HMCN2: variants seen among roughly 807,000 people sequenced by gnomAD.
HMCN2 encodes the protein hemicentin-2.
Under a neutral mutation model 377.5 loss-of-function variants are expected in HMCN2, and 325 were observed. That is an observed-to-expected ratio of 0.86 (90% CI 0.79 to 0.94). The LOEUF (loss-of-function observed/expected upper bound fraction) is 0.94, where lower values mean the gene tolerates loss of function less well. HMCN2 is among the 40% of genes least tolerant of loss of function. The probability of loss-of-function intolerance (pLI) is 0.00; values close to 1 mark genes in which losing one functional copy is unlikely to be tolerated. For missense variants in HMCN2, 4,543 were observed against 4,725.3 expected (o/e 0.96, Z 1.13); for synonymous variants, 2,007 against 2,046.8 (o/e 0.98, Z 0.53).
chr9:130,391,176 C>T (rs1842302043), intron 63 of HMCN2, 28 bp from the exon 64 acceptor site: 3 of 988,020 alleles, frequency 3.0e-6, no homozygotes, highest in Non-Finnish European at 3.6e-6. Context: ...CTGCCATCAC[C>T]CAGGGCCTCA....
At position 130,348,682 on chromosome 9, in the gene HMCN2, G is replaced by A; in HGVS notation, c.4155+7G>A. On this transcript the variant is annotated splice_region_variant and intron_variant, in intron 27 of 97. Transcript: ENST00000683500. ...GCTGAAGGACGCGCAGCTGGTGGGTGTCCCCCTAGGGTGGGCGGGGTATGG... is the reference window on the plus strand; with the variant it reads ...GCTGAAGGACGCGCAGCTGGTGGGTATCCCCCTAGGGTGGGCGGGGTATGG... The A allele has an allele frequency of 7.7e-7, 1 of 1,295,124 alleles. No individual in the cohort carries two copies. Among genetic ancestry groups the A allele is most frequent in the Non-Finnish European group, 1.0e-6 (1 of 980,868 alleles). 80.2% of individuals were successfully genotyped at this position (1,295,124 alleles called of 1,614,324 possible).
intron 78 of HMCN2, 77 bp from the exon 79 acceptor site, chr9:130,403,117 G>C (rs1842931608): frequency 8.2e-7 from 1 of 1,220,236 alleles, no homozygotes; most frequent in Non-Finnish European, 1.1e-6. Flanking sequence ...CTCTCTCTCT[G>C]ATGCTCCGAG....
intron 49 of HMCN2, among the ~76,000 whole-genome samples, chr9:130,375,092 G>A (rs924061436): frequency 1.1e-4 from 16 of 152,324 alleles, no homozygotes; most frequent in South Asian, 8.3e-4. Context: ...TCAAATGAGA[G>A]GGGCACAGAC....
intron 4 of HMCN2, among the ~76,000 whole-genome samples, chr9:130,291,043 C>G (rs554182467): frequency 3.5e-4 from 54 of 152,298 alleles, no homozygotes; most frequent in African/African-American, 1.3e-3. Context: ...GCAGACATTG[C>G]TAATCAATCA....
At chr9:130,418,710 T>C in intron 85 of HMCN2, 62 bp from the exon 86 acceptor site, 2 of 1,343,286 alleles carry the variant, frequency 1.5e-6, no homozygotes, top group Non-Finnish European at 1.9e-6. Context: ...TAAATGAACA[T>C]ATCCCACTTG....
At chr9:130,295,065 A>G in intron 5 of HMCN2, 39 bp downstream of exon 5, 2 of 406,352 alleles carry the variant, frequency 4.9e-6, no homozygotes, top group South Asian at 1.8e-5. Context: ...CTTTGGCCCC[A>G]AGACTGAGGT....
intron 92 of HMCN2, 64 bp downstream of exon 92, chr9:130,427,683 G>A: frequency 4.0e-6 from 6 of 1,493,812 alleles, no homozygotes; most frequent in Non-Finnish European, 5.4e-6. Flanking sequence ...GTGTGCAGAA[G>A]GGTCCCCAGG....
chr9:130,312,505 G>C (rs1486782232), intron 15 of HMCN2, among the ~76,000 whole-genome samples: 641 of 6,008 alleles, frequency 0.11, 52 homozygotes, highest in Admixed American at 0.34. Context: ...CTTTCTTTCT[G>C]TCCCTCCCTC....
chr9:130,314,702 A>G (rs1381870080), intron 15 of HMCN2, among the ~76,000 whole-genome samples: 1 of 152,106 alleles, frequency 6.6e-6, no homozygotes, highest in African/African-American at 2.4e-5. Flanking sequence ...GCTCTTCTGG[A>G]GCTGGCTGCA....
In HMCN2 at chr9:130,397,625, G is replaced by C. The variant is rs533291634; in HGVS notation, c.11296G>C (p.Asp3766His). 7.8e-7 allele frequency: 1 copy of C among 1,289,710 alleles called. No individual in the cohort carries two copies. The highest frequency in any genetic ancestry group is 1.5e-5 in the African/African-American group (1 of 65,854). The allele number at this position is 1,289,710 out of a possible 1,614,324, so 79.9% of individuals were successfully genotyped here. ...CCTGGCATCCAACTCTGCTGGCTCC[G>C]ATCGTCAAGGCCGTGACCTACGGGT... Reference protein sequence around the residue: ...LCLASNSAGSDRQGRDLRVLE... With the variant: ...LCLASNSAGSHRQGRDLRVLE... The change falls in exon 74 of 98, where the codon GAT becomes CAT. Residue 3766 changes from aspartate to histidine, a missense_variant. Transcript: ENST00000683500.
intron 27 of HMCN2, 22 bp downstream of exon 27, chr9:130,348,697 GC>G: frequency 7.7e-7 from 1 of 1,303,032 alleles, no homozygotes; most frequent in African/African-American, 1.5e-5. Context: ...CCTAGGGTGG[GC>G]GGGGTATGGG....
chr9:130,403,145 G>A, intron 78 of HMCN2, 49 bp from the exon 79 acceptor site: 1 of 1,263,132 alleles, frequency 7.9e-7, no homozygotes. Context: ...GGTTGGAGGA[G>A]TTGTGTTAAG....
intron 93 of HMCN2, chr9:130,429,040 G>A: frequency 5.6e-6 from 1 of 178,472 alleles, no homozygotes; most frequent in Non-Finnish European, 1.2e-5. Context: ...GAAGCATGGT[G>A]GAGCCTGACC....
At position 130,351,569 on chromosome 9, in the gene HMCN2, G is replaced by A. The variant is rs980233513; in HGVS notation, c.4577G>A (p.Arg1526Gln). 1.8e-5 allele frequency: 23 copies of A among 1,302,716 alleles called. No individual in the cohort carries two copies. The highest frequency in any genetic ancestry group is 2.3e-5 in the Admixed American group (1 of 43,486). The allele number at this position is 1,302,716 out of a possible 1,614,324, so 80.7% of individuals were successfully genotyped here. Reference protein sequence around the residue: ...AGQQARDFQLRVHAPPTIWGS... With the variant: ...AGQQARDFQLQVHAPPTIWGS... ...CAGCAGGCCAGGGACTTCCAGCTCC[G>A]AGTTCATGGTGAGCCCCCACGCCTT... The change falls in exon 30 of 98, where the codon CGA (arginine) becomes CAA (glutamine). Residue 1526 changes from arginine to glutamine, a missense_variant. Arg to Gln is a conservative substitution (Grantham distance 43, BLOSUM62 1). Coordinates refer to ENST00000683500, the MANE Select transcript of HMCN2 (RefSeq NM_001291815.2). This position sits in a 1 kb window ranked among gnomAD's most constrained non-coding sequence, Gnocchi z 5.4.
At chr9:130,273,091 A>C (rs1554921743) in intron 1 of HMCN2, among the ~76,000 whole-genome samples, 2 of 151,984 alleles carry the variant, frequency 1.3e-5, no homozygotes, top group Non-Finnish European at 2.9e-5. Context: ...CTTTTAGTAA[A>C]GATTCATAGT....
chr9:130,377,024 C>T (rs1257009333), intron 52 of HMCN2, among the ~76,000 whole-genome samples: 1 of 152,114 alleles, frequency 6.6e-6, no homozygotes, highest in Non-Finnish European at 1.5e-5. Context: ...GTCTCGCACT[C>T]CTGACCTCAG....
rs951942671 is a variant in HMCN2, at chr9:130,422,255, G to A, written c.13232-322G>A. Among the ~76,000 whole-genome samples the A allele has an allele frequency of 5.9e-5, 9 of 152,306 alleles. No individual in the cohort carries two copies. In the East Asian group the frequency reaches 1.7e-3, roughly 29 times the overall value. On this transcript the variant is annotated intron_variant, in intron 86 of 97. Coordinates refer to ENST00000683500, the MANE Select transcript of HMCN2 (RefSeq NM_001291815.2). The surrounding 1 kb of genome is among the most constrained non-coding windows in gnomAD (Gnocchi z 4.2). ...AGGTCTTCTGTGAGTTTGTGGTCCC[G>A]CCTCCTCATTTTACAGGTGAGCCAA... is the stretch of plus-strand genomic sequence containing the variant.
At chr9:130,386,603 A>C in intron 61 of HMCN2, 79 bp downstream of exon 61, 2 of 949,020 alleles carry the variant, frequency 2.1e-6, no homozygotes, top group Non-Finnish European at 2.9e-6. Flanking sequence ...GACAAAGACA[A>C]TAGCTGGGCA....
Position 130,349,112 on chromosome 9 carries a change from C to G in HMCN2, c.4284C>G (p.Asp1428Glu), listed in dbSNP as rs1286577340. 7.7e-7 allele frequency: 1 copy of G among 1,304,140 alleles called. No individual in the cohort carries two copies. The highest frequency in any genetic ancestry group is 5.5e-5 in the East Asian group (1 of 18,020). 80.8% of individuals were successfully genotyped at this position (1,304,140 alleles called of 1,614,324 possible). A position where few individuals can be genotyped will look rare whatever the true frequency, so the allele number is the denominator to read the frequency against. ...ACCAGGCTGGCACCGCCCAGAGGGA[C>G]TTCCATCTCCTTGTGCTCAGTGAGT... ...AENQAGTAQR[D>E]FHLLVLTPPS... The change falls in exon 28 of 98, where the codon GAC becomes GAG. Residue 1428 changes from aspartate (D) to glutamate (E), a missense_variant. Asp to Glu is a conservative substitution (Grantham distance 45, BLOSUM62 2). This residue lies in a region of HMCN2 where 1,032 missense variants were observed against 1,285.1 expected (regional missense o/e 0.80). Transcript: ENST00000683500.
Sources: gnomAD v4.1 joint callset for allele counts (sites outside exome capture counted in the v4.1 genomes callset) on GRCh38, gnomAD v4.1.1 for gene constraint, gnomAD v4.1.1 regional missense constraint, Gnocchi (gnomAD v3.1) non-coding constraint, MANE v1.5 for transcripts, NCBI Gene and HGNC (gene_info 2026-07-23, HGNC 2026-07-21) for gene names.